Variants in SLC35F1 observed in about 807,000 individuals in gnomAD.
SLC35F1 encodes solute carrier family 35 member F1.
SLC35F1 carries 14 observed loss-of-function variants against 48.7 expected under a neutral mutation model. The observed-to-expected ratio is 0.29, with a 90% CI of 0.19 to 0.45. SLC35F1 has a LOEUF of 0.45. Among genes scored for constraint, SLC35F1 ranks in the 20% least tolerant of loss-of-function variants. SLC35F1 has a pLI of 1.00. For synonymous variants in SLC35F1, 190 were observed against 202.2 expected, an observed-to-expected ratio of 0.94 and a Z score of 0.51; for missense variants, 404 against 500.0, an observed-to-expected ratio of 0.81 and a Z score of 1.83.
At chr6:118,277,677 CT>C in intron 6 of SLC35F1, 131 bp downstream of exon 6, 1 of 773,130 alleles carries the variant, frequency 1.3e-6, no homozygotes, top group Non-Finnish European at 2.2e-6. Flanking sequence ...AATGAAATCC[CT>C]TTGTCATTTC....
intron 1 of SLC35F1, chr6:117,998,840 A>G (rs902782469): frequency 1.9e-4 from 104 of 542,646 alleles, no homozygotes; most frequent in Non-Finnish European, 8.9e-5. Context: ...TCCAAAATTG[A>G]CACCCTAACA....
chr6:118,296,594 T>C (rs527719743), intron 7 of SLC35F1, among the ~76,000 whole-genome samples: 32 of 152,288 alleles, frequency 2.1e-4, no homozygotes, highest in African/African-American at 7.2e-4. Context: ...AGCCCAGAAT[T>C]ATAGCCAGAA....
chr6:118,165,815 T>C (rs1278539878), intron 2 of SLC35F1, among the ~76,000 whole-genome samples: 1 of 152,214 alleles, frequency 6.6e-6, no homozygotes, highest in African/African-American at 2.4e-5. Context: ...ACAGGAGCCA[T>C]AGATACTTTG....
chr6:118,248,434 C>T (rs560848154), intron 3 of SLC35F1, among the ~76,000 whole-genome samples: 1 of 152,258 alleles, frequency 6.6e-6, no homozygotes, highest in African/African-American at 2.4e-5. Flanking sequence ...TGTGGGTGAC[C>T]TCAATGTAAT....
At chr6:118,172,189 T>C (rs990351744) in intron 2 of SLC35F1, among the ~76,000 whole-genome samples, 1 of 152,092 alleles carries the variant, frequency 6.6e-6, no homozygotes, top group African/African-American at 2.4e-5. Flanking sequence ...TTCTTTTTGC[T>C]TAGAAAGCAG....
intron 1 of SLC35F1, among the ~76,000 whole-genome samples, chr6:117,949,779 G>A (rs1434735673): frequency 6.6e-6 from 1 of 152,102 alleles, no homozygotes; most frequent in Non-Finnish European, 1.5e-5. Context: ...TGTGTGGCAT[G>A]GGACCAGGAA....
At chr6:118,034,355 C>T (rs908053794) in intron 1 of SLC35F1, among the ~76,000 whole-genome samples, 2 of 151,892 alleles carry the variant, frequency 1.3e-5, no homozygotes, top group African/African-American at 2.4e-5. Context: ...GTCAGGAGTT[C>T]GAGACCAGCC....
Position 118,316,793 on chromosome 6 carries a change from G to A in SLC35F1, c.*2541G>A, listed in dbSNP as rs1478405019. On this transcript the variant is annotated 3_prime_UTR_variant, in exon 8 of 8. Coordinates refer to ENST00000360388, the MANE Select transcript of SLC35F1 (RefSeq NM_001029858.4). The stretch of plus-strand genomic sequence containing the variant: ...ATTTGCCGTATACCCTTTATCATTC[G>A]GTGTCCTTGTACTCAGACTTTCATG... 2.6e-5 allele frequency: 4 copies of A among 152,108 alleles called. No individual in the cohort carries two copies. Among genetic ancestry groups the A allele is most frequent in the South Asian group, 2.1e-4 (1 of 4,812 alleles). 9.4% of individuals were successfully genotyped at this position (152,108 alleles called of 1,614,324 possible).
At chr6:118,143,159 A>G (rs1773917541) in intron 1 of SLC35F1, among the ~76,000 whole-genome samples, 1 of 152,206 alleles carries the variant, frequency 6.6e-6, no homozygotes, top group African/African-American at 2.4e-5. Flanking sequence ...GAAATTTGAC[A>G]TGGGTTTTTA....
At chr6:118,072,387 A>C (rs1772746075) in intron 1 of SLC35F1, among the ~76,000 whole-genome samples, 1 of 151,936 alleles carries the variant, frequency 6.6e-6, no homozygotes, top group Admixed American at 6.6e-5. Flanking sequence ...ACATGGTGAA[A>C]CCCCATCTCT....
At chr6:118,115,440 A>G (rs1305269292) in intron 1 of SLC35F1, among the ~76,000 whole-genome samples, 2 of 152,196 alleles carry the variant, frequency 1.3e-5, no homozygotes, top group Non-Finnish European at 2.9e-5. Flanking sequence ...ACTTTATTCT[A>G]TTTATCCTAG....
At chr6:118,151,073 A>G (rs929334309) in intron 1 of SLC35F1, among the ~76,000 whole-genome samples, 3 of 152,194 alleles carry the variant, frequency 2.0e-5, no homozygotes, top group Non-Finnish European at 4.4e-5. Flanking sequence ...ATTCAGTATT[A>G]CAACTATTCA....
chr6:118,313,535 A>T (rs11968293), intron 7 of SLC35F1, among the ~76,000 whole-genome samples: 2 of 152,038 alleles, frequency 1.3e-5, no homozygotes, highest in Non-Finnish European at 2.9e-5. Context: ...AATTCCTCTT[A>T]GGAAGACAAA....
chr6:117,931,023 A>G (rs1400070230), intron 1 of SLC35F1, among the ~76,000 whole-genome samples: 1 of 152,156 alleles, frequency 6.6e-6, no homozygotes, highest in Admixed American at 6.5e-5. Context: ...GGAGATAGTA[A>G]CATCTACCCC....
intron 3 of SLC35F1, among the ~76,000 whole-genome samples, chr6:118,247,314 A>C (rs1307222593): frequency 6.6e-6 from 1 of 152,152 alleles, no homozygotes; most frequent in Non-Finnish European, 1.5e-5. Context: ...GACCAGTGCC[A>C]GTCAATAGAG....
intron 1 of SLC35F1, among the ~76,000 whole-genome samples, chr6:117,945,711 C>T (rs1335414239): frequency 6.6e-6 from 1 of 152,190 alleles, no homozygotes; most frequent in Non-Finnish European, 1.5e-5. Context: ...CCACTGATGC[C>T]ATGCTTCCTG....
At chr6:118,286,107 C>A (rs1776045985) in intron 7 of SLC35F1, among the ~76,000 whole-genome samples, 1 of 152,118 alleles carries the variant, frequency 6.6e-6, no homozygotes, top group South Asian at 2.1e-4. Flanking sequence ...CTTAACAAGT[C>A]CTGTAAGACA....
chr6:118,174,981 G>A (rs1774465729), intron 2 of SLC35F1, among the ~76,000 whole-genome samples: 1 of 151,986 alleles, frequency 6.6e-6, no homozygotes, highest in African/African-American at 2.4e-5. Flanking sequence ...CATACATCTA[G>A]TAAGAAGCAC....
chr6:118,106,559 C>T (rs1045689937), intron 1 of SLC35F1, among the ~76,000 whole-genome samples: 4 of 152,206 alleles, frequency 2.6e-5, no homozygotes, highest in Non-Finnish European at 5.9e-5. Flanking sequence ...ACGTGTACTA[C>T]AAGGTAGCTA....
Sources: allele counts gnomAD v4.1 joint callset (sites outside exome capture counted in the v4.1 genomes callset), GRCh38; gene constraint gnomAD v4.1.1; transcripts MANE v1.5; gene names NCBI Gene and HGNC (gene_info 2026-07-23, HGNC 2026-07-21).